Variants in CABCOCO1 observed in about 807,000 individuals in gnomAD.
CABCOCO1 encodes the protein ciliary-associated calcium-binding coiled-coil protein 1.
A neutral mutation model predicts 35.7 loss-of-function variants in CABCOCO1; 28 were observed. That is an observed-to-expected ratio of 0.78 (90% CI 0.58 to 1.07). The LOEUF (loss-of-function observed/expected upper bound fraction) is 1.07. Among genes scored for constraint, CABCOCO1 ranks in the 50% least tolerant of loss-of-function variants. The pLI, the probability that CABCOCO1 is intolerant of heterozygous loss-of-function variation, is 0.00. For missense variants in CABCOCO1, 326 were observed against 309.2 expected (o/e 1.05, Z -0.41); for synonymous variants, 95 against 100.1 (o/e 0.95, Z 0.30).
intron 5 of CABCOCO1, among the ~76,000 whole-genome samples, chr10:61,736,612 T>G (rs1841421532): frequency 6.6e-6 from 1 of 152,208 alleles, no homozygotes; most frequent in South Asian, 2.1e-4. Flanking sequence ...TAGGATTGCC[T>G]TGGCTATTTG....
Position 61,766,111 on chromosome 10 carries a change from T to C in CABCOCO1, c.*98T>C. 8.9e-7 allele frequency: 1 copy of C among 1,117,444 alleles called. No homozygotes were observed. Among genetic ancestry groups the C allele is most frequent in the Non-Finnish European group, 1.3e-6 (1 of 784,790 alleles). 69.2% of individuals were successfully genotyped at this position (1,117,444 alleles called of 1,614,324 possible). A position where few individuals can be genotyped will look rare whatever the true frequency, so the allele number is the denominator to read the frequency against. ...GGAGCGTCGTGTCTCCATCACTTAG[T>C]TGTGAAAGGAAAACCAAGCCCCACT... On this transcript the variant is annotated 3_prime_UTR_variant, in exon 8 of 8. Coordinates refer to ENST00000648843, the MANE Select transcript of CABCOCO1 (RefSeq NM_001366906.2).
intron 2 of CABCOCO1, among the ~76,000 whole-genome samples, chr10:61,679,033 ATG>A (rs1247290962): frequency 1.3e-5 from 2 of 152,142 alleles, no homozygotes; most frequent in Non-Finnish European, 2.9e-5. Context: ...ACTTATTTTG[ATG>A]TTAAGAATAA....
At chr10:61,735,293 G>T (rs545887957) in intron 5 of CABCOCO1, among the ~76,000 whole-genome samples, 1 of 152,180 alleles carries the variant, frequency 6.6e-6, no homozygotes, top group Admixed American at 6.5e-5. Flanking sequence ...CAAGAACTTG[G>T]TTTGCTCTCT....
chr10:61,677,153 G>A (rs944141718), intron 2 of CABCOCO1, among the ~76,000 whole-genome samples: 1 of 152,104 alleles, frequency 6.6e-6, no homozygotes, highest in Non-Finnish European at 1.5e-5. Context: ...GTAGATTGGA[G>A]TATAGAGAAG....
intron 6 of CABCOCO1, 143 bp from the exon 7 acceptor site, chr10:61,760,720 T>C (rs1841992246): frequency 3.2e-6 from 3 of 938,424 alleles, no homozygotes; most frequent in Non-Finnish European, 4.6e-6. Context: ...CGTATACCTA[T>C]GTAACAAACC....
At chr10:61,673,555 T>A (rs566837248) in intron 2 of CABCOCO1, among the ~76,000 whole-genome samples, 1 of 152,156 alleles carries the variant, frequency 6.6e-6, no homozygotes, top group Non-Finnish European at 1.5e-5. Context: ...TCAGTGGTTA[T>A]CACTGACAAA....
intron 4 of CABCOCO1, 102 bp downstream of exon 4, chr10:61,686,287 C>A: frequency 9.6e-7 from 1 of 1,036,992 alleles, no homozygotes; most frequent in Non-Finnish European, 1.3e-6. Context: ...CAGATATTTA[C>A]AGAATTTATG....
intron 5 of CABCOCO1, among the ~76,000 whole-genome samples, chr10:61,720,621 C>G (rs968538812): frequency 2.0e-5 from 3 of 152,174 alleles, no homozygotes; most frequent in Non-Finnish European, 4.4e-5. Flanking sequence ...AAAATTAAGG[C>G]CAAACAACTA....
At chr10:61,666,093 C>T (rs1381151787) in intron 1 of CABCOCO1, among the ~76,000 whole-genome samples, 3 of 152,108 alleles carry the variant, frequency 2.0e-5, no homozygotes, top group Non-Finnish European at 2.9e-5. Context: ...GGACAGGATG[C>T]TTACATAATT....
At chr10:61,755,318 C>G (rs1458881737) in intron 5 of CABCOCO1, among the ~76,000 whole-genome samples, 2 of 152,046 alleles carry the variant, frequency 1.3e-5, no homozygotes, top group Non-Finnish European at 2.9e-5. Context: ...CAGAGCCACA[C>G]AAGTACTTCT....
chr10:61,696,993 A>AAT (rs1185070112), intron 5 of CABCOCO1, among the ~76,000 whole-genome samples: 2 of 152,274 alleles, frequency 1.3e-5, no homozygotes, highest in East Asian at 3.9e-4. Context: ...AAGATTAGCT[A>AAT]ATAGTAAAAA....
chr10:61,700,653 T>C lies in CABCOCO1; in HGVS notation c.552+10032T>C, dbSNP rs575690655. Among the ~76,000 whole-genome samples the C allele has an allele frequency of 1.3e-5, 2 of 152,192 alleles. 1 individual carries two copies. The highest frequency in any genetic ancestry group is 4.1e-4 in the South Asian group (2 of 4,828). On this transcript the variant is annotated intron_variant, in intron 5 of 7. Coordinates refer to ENST00000648843, the MANE Select transcript of CABCOCO1 (RefSeq NM_001366906.2). The stretch of plus-strand genomic sequence containing the variant: ...GAGCCAAGGATTGTCCTTCACTGGA[T>C]TTATCCCAAGTAGATAATCAGACAA...
rs543163552 is a variant in CABCOCO1, at chr10:61,718,348, C to T, written c.552+27727C>T. Among the ~76,000 whole-genome samples, 27 of 152,204 alleles carry T rather than the reference C, an allele frequency of 1.8e-4. 3 individuals carry two copies. The South Asian group carries it at 5.6e-3, about 32-fold the overall frequency. ...GCAGATTAGGGCTACAGTGTCATGA[C>T]AACCAATCAAGTTGTTTGTTTCAGT... On this transcript the variant is annotated intron_variant, in intron 5 of 7. Transcript: ENST00000648843.
chr10:61,698,892 T>A (rs1840365137), intron 5 of CABCOCO1, among the ~76,000 whole-genome samples: 1 of 152,186 alleles, frequency 6.6e-6, no homozygotes, highest in Non-Finnish European at 1.5e-5. Flanking sequence ...CATTAGATCA[T>A]ATTTTGGAAA....
intron 5 of CABCOCO1, chr10:61,701,741 C>A (rs1840464199): frequency 5.1e-6 from 5 of 985,118 alleles, no homozygotes; most frequent in Non-Finnish European, 6.0e-6. Context: ...CAGCAACCCA[C>A]ATTTGAAAGT....
intron 5 of CABCOCO1, among the ~76,000 whole-genome samples, chr10:61,750,334 T>C (rs769869305): frequency 3.3e-5 from 5 of 152,134 alleles, no homozygotes; most frequent in African/African-American, 4.8e-5. Flanking sequence ...CCCAGCACTT[T>C]GGAGGCCGAG....
intron 5 of CABCOCO1, among the ~76,000 whole-genome samples, chr10:61,714,376 T>C (rs534711974): frequency 1.4e-4 from 22 of 152,318 alleles, no homozygotes; most frequent in African/African-American, 5.1e-4. Flanking sequence ...TCATTTTTTA[T>C]TGTGTCTATT....
intron 5 of CABCOCO1, among the ~76,000 whole-genome samples, chr10:61,706,408 A>T (rs932990385): frequency 2.0e-5 from 3 of 152,224 alleles, no homozygotes; most frequent in Non-Finnish European, 4.4e-5. Flanking sequence ...AAATTTTTCA[A>T]AACTTGAAAT....
intron 3 of CABCOCO1, among the ~76,000 whole-genome samples, chr10:61,682,294 A>G (rs1839815941): frequency 6.6e-6 from 1 of 152,226 alleles, no homozygotes; most frequent in Admixed American, 6.5e-5. Flanking sequence ...GAAAGTACAT[A>G]TGTAGAACCT....
Sources: allele counts gnomAD v4.1 joint callset (sites outside exome capture counted in the v4.1 genomes callset), GRCh38; gene constraint gnomAD v4.1.1; transcripts MANE v1.5; gene names NCBI Gene and HGNC (gene_info 2026-07-23, HGNC 2026-07-21).